The following CXCL13 variants were observed in gnomAD, a reference collection of about 807,000 sequenced individuals.
CXCL13 encodes the protein C-X-C motif chemokine 13.
In CXCL13, 7 loss-of-function variants were observed where a neutral mutation model predicts 12.2. The observed-to-expected ratio is 0.57, with a 90% CI of 0.33 to 1.07. The LOEUF (loss-of-function observed/expected upper bound fraction) is 1.07, where lower values mean the gene tolerates loss of function less well. CXCL13 is among the 50% of genes least tolerant of loss of function. The pLI is 0.04. For missense variants in CXCL13, 113 were observed against 127.4 expected (o/e 0.89, Z 0.55); for synonymous variants, 47 against 42.4 (o/e 1.11, Z -0.42).
intron 1 of CXCL13, among the ~76,000 whole-genome samples, chr4:77,513,361 TC>T (rs1724319324): frequency 6.6e-6 from 1 of 152,160 alleles, no homozygotes; most frequent in African/African-American, 2.4e-5. Flanking sequence ...TGCCACACTG[TC>T]TTCCACAATG....
chr4:77,590,574 A>T (rs1405976613), intron 1 of CXCL13, among the ~76,000 whole-genome samples: 1 of 152,258 alleles, frequency 6.6e-6, no homozygotes, highest in Non-Finnish European at 1.5e-5. Context: ...TTCCATGGAC[A>T]TAAGTCACAT....
At chr4:77,607,510 G>C (rs769444994) in intron 1 of CXCL13, among the ~76,000 whole-genome samples, 193 bp from the exon 2 acceptor site, 1 of 152,088 alleles carries the variant, frequency 6.6e-6, no homozygotes, top group Non-Finnish European at 1.5e-5. Flanking sequence ...TATTTTTAAA[G>C]TTTTGGTAGA....
intron 1 of CXCL13, among the ~76,000 whole-genome samples, chr4:77,519,746 T>C (rs980681625): frequency 7.2e-5 from 11 of 152,252 alleles, no homozygotes; most frequent in African/African-American, 2.2e-4. Flanking sequence ...ATTTTGGCTT[T>C]TGTTGTCATT....
chr4:77,586,307 T>TA (rs898832810), intron 1 of CXCL13, among the ~76,000 whole-genome samples: 5 of 152,024 alleles, frequency 3.3e-5, no homozygotes, highest in Non-Finnish European at 5.9e-5. Flanking sequence ...AAATCACATG[T>TA]AAAAAATATT....
At position 77,522,514 on chromosome 4, in the gene CXCL13, C is replaced by CTTTTTTTTTTTTTTTTTT. The variant is rs777857811; in HGVS notation, c.-43+10739_-43+10756dup. Among the ~76,000 whole-genome samples, 6 of 10,090 alleles carry CTTTTTTTTTTTTTTTTTT rather than the reference C, an allele frequency of 5.9e-4. 3 individuals carry two copies. Among genetic ancestry groups the CTTTTTTTTTTTTTTTTTT allele is most frequent in the African/African-American group, 1.6e-3 (4 of 2,558 alleles). 6.6% of individuals were successfully genotyped at this position (10,090 alleles called of 152,430 possible). A position where few individuals can be genotyped will look rare whatever the true frequency, so the allele number is the denominator to read the frequency against. Reference sequence around the variant, plus strand: ...TCAGAGACTAGGACTGCAACCCCTGCTTTTTTTTTTTTTTTTTTTTTTTTT... The same window carrying CTTTTTTTTTTTTTTTTTT: ...TCAGAGACTAGGACTGCAACCCCTGCTTTTTTTTTTTTTTTTTTTTTTTTTTTTTTTTTTTTTTTTTTT... On this transcript the variant is annotated intron_variant, in intron 1 of 4. Coordinates refer to the CXCL13 transcript ENST00000286758.
intron 1 of CXCL13, among the ~76,000 whole-genome samples, chr4:77,556,345 A>G (rs1396312100): frequency 6.6e-6 from 1 of 152,212 alleles, no homozygotes; most frequent in Admixed American, 6.5e-5. Flanking sequence ...CAGACACAAA[A>G]GAATACATGC....
chr4:77,597,315 C>T (rs79469438), intron 1 of CXCL13, among the ~76,000 whole-genome samples: 181 of 151,842 alleles, frequency 1.2e-3, no homozygotes, highest in African/African-American at 4.2e-3. Context: ...TTAGGTTTTC[C>T]CCTGGGGGCA....
At chr4:77,599,723 G>A (rs1426772964) in intron 1 of CXCL13, among the ~76,000 whole-genome samples, 2 of 152,192 alleles carry the variant, frequency 1.3e-5, no homozygotes, top group Admixed American at 1.3e-4. Context: ...TCCACACAGG[G>A]GATAGTGGGA....
intron 1 of CXCL13, among the ~76,000 whole-genome samples, chr4:77,512,568 C>G (rs1668105599): frequency 6.6e-6 from 1 of 152,116 alleles, no homozygotes; most frequent in Admixed American, 6.6e-5. Flanking sequence ...CTCTGTGTGT[C>G]TGTGTCCAAA....
intron 1 of CXCL13, among the ~76,000 whole-genome samples, chr4:77,520,825 C>A (rs1048098815): frequency 7.9e-5 from 12 of 152,262 alleles, no homozygotes; most frequent in African/African-American, 2.6e-4. Context: ...CAGTTTTTGC[C>A]CATTCAGTAT....
At chr4:77,565,000 C>T (rs1725893910) in intron 1 of CXCL13, among the ~76,000 whole-genome samples, 1 of 152,140 alleles carries the variant, frequency 6.6e-6, no homozygotes. Context: ...AGCACATTTT[C>T]CATGGATTTT....
intron 1 of CXCL13, among the ~76,000 whole-genome samples, chr4:77,556,612 G>A (rs1004960744): frequency 2.6e-5 from 4 of 152,038 alleles, no homozygotes; most frequent in Non-Finnish European, 4.4e-5. Flanking sequence ...CATTAAGATT[G>A]ATTTATATAT....
intron 1 of CXCL13, among the ~76,000 whole-genome samples, chr4:77,554,575 T>G (rs1725615555): frequency 6.6e-6 from 1 of 152,186 alleles, no homozygotes; most frequent in African/African-American, 2.4e-5. Context: ...GGAATAGCAG[T>G]ATCAACCAAC....
chr4:77,562,932 A>G (rs1278827256), intron 1 of CXCL13, among the ~76,000 whole-genome samples: 3 of 152,194 alleles, frequency 2.0e-5, no homozygotes, highest in Non-Finnish European at 4.4e-5. Flanking sequence ...AGGGAATAAA[A>G]GCAGGCTGCC....
chr4:77,572,565 A>G (rs1337446489), intron 1 of CXCL13, among the ~76,000 whole-genome samples: 1 of 151,746 alleles, frequency 6.6e-6, no homozygotes, highest in Non-Finnish European at 1.5e-5. Context: ...CAGAATGGCT[A>G]TTATTAAGAA....
At chr4:77,532,161 G>A (rs1221298427) in intron 1 of CXCL13, among the ~76,000 whole-genome samples, 2 of 152,144 alleles carry the variant, frequency 1.3e-5, no homozygotes, top group African/African-American at 2.4e-5. Context: ...TTACAATTTG[G>A]CATGTTTTTG....
At chr4:77,572,204 C>T (rs1578059767) in intron 1 of CXCL13, among the ~76,000 whole-genome samples, 1 of 151,948 alleles carries the variant, frequency 6.6e-6, no homozygotes, top group East Asian at 1.9e-4. Flanking sequence ...AGTTCAAGAC[C>T]AGTCTGGCCA....
intron 1 of CXCL13, among the ~76,000 whole-genome samples, chr4:77,512,076 A>G (rs919098219): frequency 6.6e-6 from 1 of 152,188 alleles, no homozygotes; most frequent in African/African-American, 2.4e-5. Context: ...ACCGTTCAGA[A>G]CATTTTTCTT....
chr4:77,516,696 C>CTT (rs561525713), intron 1 of CXCL13, among the ~76,000 whole-genome samples: 1 of 151,230 alleles, frequency 6.6e-6, no homozygotes. Context: ...ATTCTTCTCT[C>CTT]TTTTTTTTCT....
Sources: allele counts gnomAD v4.1 joint callset (sites outside exome capture counted in the v4.1 genomes callset), GRCh38; gene constraint gnomAD v4.1.1; transcripts MANE v1.5; gene names NCBI Gene and HGNC (gene_info 2026-07-23, HGNC 2026-07-21).